The following ARHGEF3 variants were observed in gnomAD, a reference collection of about 807,000 sequenced individuals.
The protein encoded by ARHGEF3 is 59.8 kDA protein.
A neutral mutation model predicts 63.2 loss-of-function variants in ARHGEF3; 28 were observed. That is an observed-to-expected ratio of 0.44 (90% CI 0.33 to 0.61). The LOEUF (loss-of-function observed/expected upper bound fraction) is 0.61, where lower values mean the gene tolerates loss of function less well. ARHGEF3 is among the 20% of genes least tolerant of loss of function. The probability of loss-of-function intolerance (pLI) is 0.03; values close to 1 mark genes in which losing one functional copy is unlikely to be tolerated. For synonymous variants in ARHGEF3, 266 were observed against 254.2 expected (o/e 1.05, Z -0.44); for missense variants, 533 against 659.3 (o/e 0.81, Z 2.10).
Position 57,062,887 on chromosome 3 carries a change from G to A in ARHGEF3, c.-28+16339C>T, listed in dbSNP as rs76558294. On this transcript the variant is annotated intron_variant, in intron 1 of 12. Transcript: ENST00000338458. Reference sequence around the variant, plus strand: ...TTGTCTGTACCAGGCAAGGCACTGGGGACATGACAGGGAACACAATAGAAG... The same window carrying A: ...TTGTCTGTACCAGGCAAGGCACTGGAGACATGACAGGGAACACAATAGAAG... Among the ~76,000 whole-genome samples, 1,427 of 152,274 alleles carry A rather than the reference G, an allele frequency of 9.4e-3. 36 individuals carry two copies. Among genetic ancestry groups the A allele is most frequent in the African/African-American group, 0.033 (1,354 of 41,550 alleles).
chr3:56,757,312 A>G (rs1418424085), intron 2 of ARHGEF3, among the ~76,000 whole-genome samples: 1 of 152,122 alleles, frequency 6.6e-6, no homozygotes, highest in East Asian at 1.9e-4. Flanking sequence ...GTCTCTACTA[A>G]AAGTACAAAA....
At chr3:56,774,999 C>A in intron 1 of ARHGEF3, 1 of 1,526,030 alleles carries the variant, frequency 6.6e-7, no homozygotes, top group Non-Finnish European at 8.8e-7. Context: ...AGAAGAGTTA[C>A]CCTTGTCCTC....
At chr3:56,742,916 A>AT (rs200998075) in intron 7 of ARHGEF3, among the ~76,000 whole-genome samples, 1,650 of 152,252 alleles carry the variant, frequency 0.011, 29 homozygotes, top group African/African-American at 0.038. Context: ...CTCACTGGGT[A>AT]TTTTTTAAAA....
chr3:56,839,689 T>A (rs2039245366), intron 4 of ARHGEF3, among the ~76,000 whole-genome samples: 1 of 152,192 alleles, frequency 6.6e-6, no homozygotes, highest in African/African-American at 2.4e-5. Flanking sequence ...CTGCGCCCTA[T>A]CCCCAAATCT....
At chr3:56,888,891 G>A (rs1325977146) in intron 3 of ARHGEF3, among the ~76,000 whole-genome samples, 2 of 150,224 alleles carry the variant, frequency 1.3e-5, no homozygotes, top group East Asian at 2.0e-4. Flanking sequence ...CAATAAGAAC[G>A]AAACTCCATC....
intron 2 of ARHGEF3, among the ~76,000 whole-genome samples, chr3:56,767,148 TAA>T (rs1203072586): frequency 2.2e-5 from 3 of 136,274 alleles, no homozygotes. Flanking sequence ...TTGTCTCTAT[TAA>T]AAAAAAAAAA....
Position 56,834,493 on chromosome 3 carries a change from G to A in ARHGEF3, c.192+47799C>T, listed in dbSNP as rs564734725. On this transcript the variant is annotated intron_variant, in intron 4 of 12. Transcript: ENST00000338458. The stretch of plus-strand genomic sequence containing the variant: ...GAATAATAAGGTCGTGGTCGGGCCT[G>A]ATGGCTCACACCTATAATCCCAGCA... Among the ~76,000 whole-genome samples the A allele has an allele frequency of 5.3e-5, 8 of 152,280 alleles. No homozygotes were observed. The East Asian group carries it at 1.5e-3, about 29-fold the overall frequency.
intron 4 of ARHGEF3, among the ~76,000 whole-genome samples, chr3:56,822,449 G>T (rs149969668): frequency 3.3e-5 from 5 of 152,158 alleles, no homozygotes; most frequent in African/African-American, 1.2e-4. Context: ...AAGCAAAATG[G>T]GAACATGCTA....
At chr3:57,052,225 A>G (rs1379519248) in intron 1 of ARHGEF3, among the ~76,000 whole-genome samples, 1 of 152,178 alleles carries the variant, frequency 6.6e-6, no homozygotes, top group Non-Finnish European at 1.5e-5. Context: ...TCTCACCCTC[A>G]CATCCTGCGG....
At chr3:56,776,178 T>C (rs907126270) in intron 1 of ARHGEF3, among the ~76,000 whole-genome samples, 1 of 152,230 alleles carries the variant, frequency 6.6e-6, no homozygotes, top group African/African-American at 2.4e-5. Flanking sequence ...AAGGTTCTGC[T>C]GACTTTGCTG....
intron 3 of ARHGEF3, among the ~76,000 whole-genome samples, chr3:56,930,144 T>C (rs998426141): frequency 6.6e-6 from 1 of 151,946 alleles, no homozygotes; most frequent in Non-Finnish European, 1.5e-5. Flanking sequence ...AATAAAACCA[T>C]TCATCTAATC....
rs765566024 is a variant in ARHGEF3 at position 56,970,804 on chromosome 3, G to A, written c.63-11915C>T. Among the ~76,000 whole-genome samples the A allele has an allele frequency of 1.1e-4, 16 of 152,206 alleles. No homozygotes were observed. The East Asian group carries it at 1.2e-3, about 11-fold the overall frequency. ...AGTGCTGCCATACAGGGGCGGCTTCGCCCAGTAGTTAAGAGCACAGAAGCT... is the reference window on the plus strand; with the variant it reads ...AGTGCTGCCATACAGGGGCGGCTTCACCCAGTAGTTAAGAGCACAGAAGCT... On this transcript the variant is annotated intron_variant, in intron 2 of 12. Transcript: ENST00000338458.
At chr3:56,731,986 T>G (rs41276471) in intron 9 of ARHGEF3, 99,980 of 599,684 alleles carry the variant, frequency 0.17, 10,829 homozygotes, top group South Asian at 0.38. Flanking sequence ...GTGCAGACAG[T>G]TTCACTTAGA....
Position 56,754,890 on chromosome 3 carries a change from T to G in ARHGEF3, c.375+91A>C, listed in dbSNP as rs1487399632. 4 of 1,532,638 alleles carry G rather than the reference T, an allele frequency of 2.6e-6. No individual in the cohort carries two copies. In the African/African-American group the frequency reaches 5.5e-5, roughly 21 times the overall value. The allele number at this position is 1,532,638 out of a possible 1,614,324, so 94.9% of individuals were successfully genotyped here. A position where few individuals can be genotyped will look rare whatever the true frequency, so the allele number is the denominator to read the frequency against. ...TCTGCAAACGCAATGAAGAATTGAT[T>G]TGGAGACTAAGGCGCAAATTCCAGC... On this transcript the variant is annotated intron_variant, in intron 3 of 9. Coordinates refer to ENST00000296315, the MANE Select transcript of ARHGEF3 (RefSeq NM_019555.3).
intron 2 of ARHGEF3, among the ~76,000 whole-genome samples, chr3:56,967,775 AT>A (rs1317553539): frequency 1.2e-5 from 1 of 85,660 alleles, no homozygotes; most frequent in African/African-American, 4.7e-5. Flanking sequence ...ATAATATATT[AT>A]ATTATATGAT....
intron 2 of ARHGEF3, among the ~76,000 whole-genome samples, chr3:56,963,675 GA>G: frequency 6.6e-6 from 1 of 152,256 alleles, no homozygotes; most frequent in African/African-American, 2.4e-5. Flanking sequence ...AGCATAACTA[GA>G]AAAATCAAAC....
chr3:57,058,408 G>A (rs1318875563), intron 1 of ARHGEF3, among the ~76,000 whole-genome samples: 1 of 152,138 alleles, frequency 6.6e-6, no homozygotes, highest in Non-Finnish European at 1.5e-5. Flanking sequence ...TGTACCCAAT[G>A]GGTTTGTTTC....
intron 4 of ARHGEF3, among the ~76,000 whole-genome samples, chr3:56,829,922 C>T (rs2038868772): frequency 6.6e-6 from 1 of 152,180 alleles, no homozygotes; most frequent in African/African-American, 2.4e-5. Context: ...GTACCTTATA[C>T]CAGTCCCCAA....
intron 4 of ARHGEF3, among the ~76,000 whole-genome samples, chr3:56,827,728 C>A (rs189228365): frequency 3.1e-5 from 3 of 96,176 alleles, no homozygotes; most frequent in African/African-American, 1.2e-4. Flanking sequence ...CCAGCCTGGG[C>A]AACGTGGCAA....
Sources: gnomAD v4.1 joint callset for allele counts (sites outside exome capture counted in the v4.1 genomes callset) on GRCh38, gnomAD v4.1.1 for gene constraint, MANE v1.5 for transcripts, NCBI Gene and HGNC (gene_info 2026-07-23, HGNC 2026-07-21) for gene names.